CAMSAP2: variants seen among roughly 807,000 people sequenced by gnomAD.
The protein encoded by CAMSAP2 is calmodulin-regulated spectrin-associated protein 2.
CAMSAP2 carries 26 observed loss-of-function variants against 146.1 expected under a neutral mutation model. The ratio of observed to expected loss-of-function variants is 0.18; its 90% CI spans 0.13 to 0.25. The LOEUF is 0.25. Among genes scored for constraint, CAMSAP2 ranks in the 10% least tolerant of loss-of-function variants. CAMSAP2 has a pLI of 1.00. For missense variants in CAMSAP2, 1,381 were observed against 1,759.3 expected (o/e 0.78, Z 3.85); for synonymous variants, 499 against 596.6 (o/e 0.84, Z 2.38).
chr1:200,828,647 A>G (rs1666964683), intron 4 of CAMSAP2: 1 of 1,520,688 alleles, frequency 6.6e-7, no homozygotes, highest in Non-Finnish European at 8.9e-7. Flanking sequence ...CCAGAATTGT[A>G]ATTGTAGAAT....
chr1:200,816,720 GCACA>G (rs1666511170), intron 4 of CAMSAP2, among the ~76,000 whole-genome samples: 2 of 92,206 alleles, frequency 2.2e-5, no homozygotes, highest in Non-Finnish European at 5.0e-5. Context: ...ATATACACAC[GCACA>G]TATATGTGTG....
chr1:200,806,761 GTGTGTATC>G (rs1183001932), intron 2 of CAMSAP2, among the ~76,000 whole-genome samples: 3 of 129,562 alleles, frequency 2.3e-5, no homozygotes, highest in African/African-American at 5.5e-5. Flanking sequence ...GTGTGTGTGT[GTGTGTATC>G]TATCTATCTA....
In CAMSAP2 at chr1:200,849,388, T is replaced by C; in HGVS notation, c.2619T>C (p.Asn873=). 4 of 1,614,052 alleles carry C rather than the reference T, an allele frequency of 2.5e-6. No individual in the cohort carries two copies. Among genetic ancestry groups the C allele is most frequent in the Non-Finnish European group, 3.4e-6 (4 of 1,179,982 alleles). ...NLASPSEETL[N]EGEILEYTKS... ...CAAGCCCCTCAGAAGAAACTTTAAATGAAGGAGAGATTTTAGAATATACCA... is the reference window on the plus strand; with the variant it reads ...CAAGCCCCTCAGAAGAAACTTTAAACGAAGGAGAGATTTTAGAATATACCA... Residue 873 remains asparagine, a synonymous_variant, in exon 11 of 17, where the codon AAT becomes AAC. Transcript: ENST00000358823. The surrounding 1 kb of genome is among the most constrained non-coding windows in gnomAD (Gnocchi z 6.3).
chr1:200,820,062 ATTT>A (rs754216364), intron 4 of CAMSAP2, among the ~76,000 whole-genome samples: 2 of 145,858 alleles, frequency 1.4e-5, no homozygotes. Context: ...TTCTCAAAAA[ATTT>A]TTTTTTTTTT....
At chr1:200,803,443 G>C (rs1666086341) in intron 2 of CAMSAP2, among the ~76,000 whole-genome samples, 1 of 152,148 alleles carries the variant, frequency 6.6e-6, no homozygotes, top group South Asian at 2.1e-4. Flanking sequence ...TGATCTGAAT[G>C]CTTTAGGTAA....
In CAMSAP2 at chr1:200,849,930, G is replaced by C. The variant is rs746953735; in HGVS notation, c.3161G>C (p.Gly1054Ala). ...TCCAAAGGGACTTTGGAACAGCGTG[G>C]ACATAATCCAGAAGAAAAGGAAATC... Reference protein sequence around the residue: ...LESKGTLEQRGHNPEEKEIKP... With the variant: ...LESKGTLEQRAHNPEEKEIKP... Residue 1054 changes from glycine to alanine, a missense_variant, in exon 11 of 17, where the codon GGA (glycine) becomes GCA (alanine). Physicochemically the swap from Gly to Ala is moderately conservative, Grantham distance 60. Around this residue, in one of 4 missense-constraint regions of CAMSAP2, gnomAD observed 560 missense variants for 715.9 expected, o/e 0.78. Coordinates refer to ENST00000358823, the MANE Select transcript of CAMSAP2 (RefSeq NM_203459.4). The surrounding 1 kb of genome is among the most constrained non-coding windows in gnomAD (Gnocchi z 6.3). 1 of 1,614,120 alleles carries C rather than the reference G, an allele frequency of 6.2e-7. No individual in the cohort carries two copies. The highest frequency in any genetic ancestry group is 1.1e-5 in the South Asian group (1 of 91,078).
intron 1 of CAMSAP2, among the ~76,000 whole-genome samples, chr1:200,745,735 G>A (rs1039838313): frequency 6.6e-6 from 1 of 152,210 alleles, no homozygotes; most frequent in Non-Finnish European, 1.5e-5. Context: ...GCCTCCCAAA[G>A]TGCTGGGATT....
At chr1:200,812,869 A>C (rs1310546921) in intron 3 of CAMSAP2, among the ~76,000 whole-genome samples, 1 of 152,170 alleles carries the variant, frequency 6.6e-6, no homozygotes, top group Non-Finnish European at 1.5e-5. Flanking sequence ...TCACTATGTC[A>C]TTCTGTTACT....
At chr1:200,797,060 C>A (rs924970140) in intron 2 of CAMSAP2, among the ~76,000 whole-genome samples, 27 of 152,142 alleles carry the variant, frequency 1.8e-4, no homozygotes, top group African/African-American at 5.8e-4. Flanking sequence ...TTTCTTAATC[C>A]AGTCTATCAT....
Position 200,857,829 on chromosome 1 carries a change from A to G in CAMSAP2, c.4207A>G (p.Thr1403Ala), listed in dbSNP as rs368683610. 3.1e-5 allele frequency: 50 copies of G among 1,613,676 alleles called. No individual in the cohort carries two copies. Among genetic ancestry groups the G allele is most frequent in the Middle Eastern group, 1.6e-4 (1 of 6,080 alleles). ...DSGCQFRSLY[T>A]YCPETEEINK... ...AGGATGCCAGTTCAGATCTTTATAC[A>G]CTTATTGCCCAGAAACTGAAGAAAT... is the stretch of plus-strand genomic sequence containing the variant. Residue 1403 changes from threonine (T) to alanine (A), a missense_variant, in exon 17 of 17, where the codon ACT (threonine) becomes GCT (alanine). Physicochemically the swap from Thr to Ala is moderately conservative, Grantham distance 58. Coordinates refer to ENST00000358823, the MANE Select transcript of CAMSAP2 (RefSeq NM_203459.4). The surrounding 1 kb of genome is among the most constrained non-coding windows in gnomAD (Gnocchi z 4.7).
At position 200,849,158 on chromosome 1, in the gene CAMSAP2, G is replaced by A; in HGVS notation, c.2389G>A (p.Gly797Arg). 6.2e-7 allele frequency: 1 copy of A among 1,614,068 alleles called. No homozygotes were observed. The highest frequency in any genetic ancestry group is 8.5e-7 in the Non-Finnish European group (1 of 1,179,984). Residue 797 changes from glycine to arginine, a missense_variant, in exon 11 of 17, where the codon GGG becomes AGG. By Grantham distance (125) the Gly-to-Arg change is moderately radical (BLOSUM62 -2). Coordinates refer to ENST00000358823, the MANE Select transcript of CAMSAP2 (RefSeq NM_203459.4). The surrounding 1 kb of genome is among the most constrained non-coding windows in gnomAD (Gnocchi z 6.3). ...TACTGTAGTGAAAAAGAAAGGGGAT[G>A]GGATATCTCCTCTACGAGAGGAAGC... ...FLTVVKKKGDGISPLREEAAG... is the reference protein window; with the variant it reads ...FLTVVKKKGDRISPLREEAAG...
intron 2 of CAMSAP2, among the ~76,000 whole-genome samples, chr1:200,783,342 A>G (rs936567509): frequency 6.6e-6 from 1 of 152,086 alleles, no homozygotes; most frequent in Non-Finnish European, 1.5e-5. Context: ...CTTTTATGAA[A>G]TGTCTGTTCA....
intron 2 of CAMSAP2, among the ~76,000 whole-genome samples, chr1:200,767,339 G>T (rs1340710832): frequency 6.7e-6 from 1 of 148,970 alleles, no homozygotes; most frequent in East Asian, 2.0e-4. Context: ...TCCAGCCTGG[G>T]CAACAGAGTG....
At chr1:200,816,613 T>A (rs766688481) in intron 4 of CAMSAP2, among the ~76,000 whole-genome samples, 6,593 of 120,322 alleles carry the variant, frequency 0.055, 444 homozygotes, top group African/African-American at 0.1. Flanking sequence ...AAAATATATA[T>A]ATATATATAT....
At chr1:200,835,628 A>T (rs937637507) in intron 6 of CAMSAP2, among the ~76,000 whole-genome samples, 4 of 152,208 alleles carry the variant, frequency 2.6e-5, no homozygotes, top group Admixed American at 2.6e-4. Context: ...ATCAAAAAAA[A>T]TTTTTTTCTA....
chr1:200,848,318 T>C lies in CAMSAP2; in HGVS notation c.1549T>C (p.Tyr517His), dbSNP rs764713294. 17 of 1,613,662 alleles carry C rather than the reference T, an allele frequency of 1.1e-5. No individual in the cohort carries two copies. The highest frequency in any genetic ancestry group is 1.0e-4 in the Admixed American group (6 of 59,954). The change falls in exon 11 of 17, where the codon TAC becomes CAC. Residue 517 changes from tyrosine (Y) to histidine (H), a missense_variant. By Grantham distance (83) the Tyr-to-His change is moderately conservative (BLOSUM62 2). Coordinates refer to ENST00000358823, the MANE Select transcript of CAMSAP2 (RefSeq NM_203459.4). ...NELNSNENIH[Y>H]KLPNGALQNR... ...ACTAAATTCTAATGAGAATATTCAT[T>C]ACAAGCTTCCAAATGGAGCTTTACA...
chr1:200,766,662 G>GT (rs150084434), intron 2 of CAMSAP2, among the ~76,000 whole-genome samples: 12 of 151,850 alleles, frequency 7.9e-5, no homozygotes, highest in Admixed American at 1.3e-4. Flanking sequence ...TTCTTTTTCG[G>GT]TTTTTTTTCT....
intron 1 of CAMSAP2, among the ~76,000 whole-genome samples, chr1:200,752,618 CCTT>C (rs1664538275): frequency 2.0e-5 from 3 of 150,248 alleles, no homozygotes; most frequent in African/African-American, 7.4e-5. Context: ...TGTCATGTCT[CCTT>C]TTTTTTTTTT....
At chr1:200,850,853 G>C (rs1349003555) in intron 11 of CAMSAP2, among the ~76,000 whole-genome samples, 9 of 152,180 alleles carry the variant, frequency 5.9e-5, no homozygotes, top group Non-Finnish European at 1.0e-4. Flanking sequence ...CAAGAGCATA[G>C]CTCCAATTGA....
Sources: allele counts gnomAD v4.1 joint callset (sites outside exome capture counted in the v4.1 genomes callset), GRCh38; gene constraint gnomAD v4.1.1; regional missense constraint gnomAD v4.1.1; non-coding constraint Gnocchi (gnomAD v3.1); transcripts MANE v1.5; gene names NCBI Gene and HGNC (gene_info 2026-07-23, HGNC 2026-07-21).